CA10: variants seen among roughly 807,000 people sequenced by gnomAD.
The protein encoded by CA10 is carbonic anhydrase 10 (inactive).
A neutral mutation model predicts 44.2 loss-of-function variants in CA10; 14 were observed. The ratio of observed to expected loss-of-function variants is 0.32; its 90% confidence interval spans 0.21 to 0.50. CA10 has a LOEUF of 0.50. Among genes scored for constraint, CA10 ranks in the 20% least tolerant of loss-of-function variants. CA10 has a pLI of 0.99. For missense variants in CA10, 350 were observed against 409.7 expected (o/e 0.85, Z 1.26); for synonymous variants, 159 against 141.6 (o/e 1.12, Z -0.87).
intron 3 of CA10, among the ~76,000 whole-genome samples, chr17:51,865,576 C>A (rs181848990): frequency 9.9e-5 from 15 of 152,232 alleles, no homozygotes; most frequent in Non-Finnish European, 1.6e-4. Context: ...GGGGGGGAAC[C>A]AATATGCAGT....
intron 2 of CA10, among the ~76,000 whole-genome samples, chr17:52,047,953 G>A (rs1986956599): frequency 6.6e-6 from 1 of 150,844 alleles, no homozygotes. Flanking sequence ...GTTTCATTTG[G>A]TCTTATTTAG....
chr17:51,992,494 T>C (rs1985077886), intron 2 of CA10, among the ~76,000 whole-genome samples: 2 of 152,142 alleles, frequency 1.3e-5, no homozygotes, highest in African/African-American at 4.8e-5. Context: ...GTAAAGTAAA[T>C]ACATGCTGTA....
At chr17:51,778,064 C>T (rs1294212149) in intron 3 of CA10, among the ~76,000 whole-genome samples, 3 of 152,166 alleles carry the variant, frequency 2.0e-5, no homozygotes, top group African/African-American at 7.2e-5. Flanking sequence ...AATGTATGTT[C>T]CCCTTTGCTC....
At chr17:52,073,241 GT>G (rs906157850) in intron 1 of CA10, among the ~76,000 whole-genome samples, 1 of 152,010 alleles carries the variant, frequency 6.6e-6, no homozygotes, top group South Asian at 2.1e-4. Flanking sequence ...TCTGGTGGGG[GT>G]TTTTTTCCAG....
chr17:51,990,576 G>C (rs946896284), intron 2 of CA10, among the ~76,000 whole-genome samples: 3 of 152,034 alleles, frequency 2.0e-5, no homozygotes, highest in African/African-American at 7.2e-5. Flanking sequence ...CCACTTTCTT[G>C]ATATCTAGGT....
At chr17:51,833,071 G>C (rs1342145323) in intron 3 of CA10, among the ~76,000 whole-genome samples, 1 of 152,154 alleles carries the variant, frequency 6.6e-6, no homozygotes, top group South Asian at 2.1e-4. Flanking sequence ...CCAGCTGAGA[G>C]GGGTGCTGAA....
chr17:51,972,938 C>T (rs1665699376), intron 2 of CA10, among the ~76,000 whole-genome samples: 2 of 152,134 alleles, frequency 1.3e-5, no homozygotes, highest in Non-Finnish European at 2.9e-5. Context: ...GACAGAATTT[C>T]ACTCATATCA....
At chr17:51,778,133 G>T (rs1406337802) in intron 3 of CA10, among the ~76,000 whole-genome samples, 1 of 152,142 alleles carries the variant, frequency 6.6e-6, no homozygotes, top group East Asian at 1.9e-4. Flanking sequence ...CTTGGGTAAA[G>T]GACATAGTCT....
chr17:52,000,412 C>T (rs1360673900), intron 2 of CA10, among the ~76,000 whole-genome samples: 1 of 152,200 alleles, frequency 6.6e-6, no homozygotes, highest in South Asian at 2.1e-4. Context: ...TATAAACTTG[C>T]TGTGAGAAAC....
intron 4 of CA10, among the ~76,000 whole-genome samples, chr17:51,673,285 A>G (rs2143358053): frequency 6.6e-6 from 1 of 152,328 alleles, no homozygotes; most frequent in Admixed American, 6.5e-5. Flanking sequence ...CAATTCATGC[A>G]GATACCTCAG....
chr17:51,635,737 T>A, intron 7 of CA10, 118 bp downstream of exon 7: 1 of 722,276 alleles, frequency 1.4e-6, no homozygotes, highest in Non-Finnish European at 2.2e-6. Flanking sequence ...AACTACCCAG[T>A]TTGTGGGACT....
At chr17:51,892,235 T>C (rs746918884) in intron 3 of CA10, among the ~76,000 whole-genome samples, 1 of 152,218 alleles carries the variant, frequency 6.6e-6, no homozygotes, top group Non-Finnish European at 1.5e-5. Context: ...GAATCCAGGC[T>C]AGTTGTTCCC....
At chr17:52,137,461 A>G (rs115947168) in intron 1 of CA10, among the ~76,000 whole-genome samples, 2,669 of 152,344 alleles carry the variant, frequency 0.018, 89 homozygotes, top group African/African-American at 0.059. Context: ...AATCATCTTG[A>G]CATCCTAACT....
chr17:51,814,647 T>C lies in CA10; in HGVS notation c.280-66829A>G, dbSNP rs74742265. Among the ~76,000 whole-genome samples, 455 of 152,372 alleles carry C rather than the reference T, an allele frequency of 3.0e-3. 2 individuals carry two copies. The highest frequency in any genetic ancestry group is 0.011 in the African/African-American group (437 of 41,574). On this transcript the variant is annotated intron_variant, in intron 3 of 8. Transcript: ENST00000451037. ...TAGGTTTTCTGGTGCTCCTGTTCCA[T>C]GGAACCCTTAGTATAATCAAGACTA...
At chr17:51,689,931 A>G (rs1389859458) in intron 4 of CA10, among the ~76,000 whole-genome samples, 1 of 151,572 alleles carries the variant, frequency 6.6e-6, no homozygotes, top group Non-Finnish European at 1.5e-5. Flanking sequence ...TGGTGAGAAC[A>G]CTTAAAATCT....
At chr17:51,731,974 A>G (rs1916739629) in intron 4 of CA10, among the ~76,000 whole-genome samples, 1 of 152,184 alleles carries the variant, frequency 6.6e-6, no homozygotes, top group South Asian at 2.1e-4. Context: ...TGCTAAGGTT[A>G]TCTCATACTA....
intron 1 of CA10, among the ~76,000 whole-genome samples, chr17:52,110,452 T>G (rs1417607404): frequency 6.6e-6 from 1 of 152,208 alleles, no homozygotes; most frequent in East Asian, 1.9e-4. Flanking sequence ...CCAATGACAT[T>G]TATGCAAATG....
chr17:51,972,098 A>G (rs1439175383), intron 2 of CA10, among the ~76,000 whole-genome samples: 2 of 152,038 alleles, frequency 1.3e-5, no homozygotes, highest in Non-Finnish European at 2.9e-5. Flanking sequence ...AGAACCAGAA[A>G]TTTTAGAAAA....
In CA10 at chr17:51,873,223, A is replaced by G. The variant is rs181464473; in HGVS notation, c.279+57767T>C. ...AAAATAATATTTGAAGGTACTTAGA[A>G]CAAGGTACAGAACAGAGTAAGTACC... is the stretch of plus-strand genomic sequence containing the variant. On this transcript the variant is annotated intron_variant, in intron 3 of 8. Coordinates refer to ENST00000451037, the MANE Select transcript of CA10 (RefSeq NM_020178.5). Among the ~76,000 whole-genome samples, 51 of 152,340 alleles carry G rather than the reference A, an allele frequency of 3.3e-4. 3 individuals carry two copies. Among genetic ancestry groups the G allele is most frequent in the African/African-American group, 1.2e-3 (49 of 41,568 alleles).
Sources: gnomAD v4.1 joint callset for allele counts (sites outside exome capture counted in the v4.1 genomes callset) on GRCh38, gnomAD v4.1.1 for gene constraint, MANE v1.5 for transcripts, NCBI Gene and HGNC (gene_info 2026-07-23, HGNC 2026-07-21) for gene names.